LVRN: variants seen among roughly 807,000 people sequenced by gnomAD.
LVRN encodes laeverin, also known as aminopeptidase Q.
In LVRN, 99 loss-of-function variants were observed where a neutral mutation model predicts 111.4. That is an observed-to-expected ratio of 0.89 (90% CI 0.76 to 1.05). The LOEUF (loss-of-function observed/expected upper bound fraction) is 1.05. Among genes scored for constraint, LVRN ranks in the 50% least tolerant of loss-of-function variants. The probability of loss-of-function intolerance (pLI) is 0.00; values close to 1 mark genes in which losing one functional copy is unlikely to be tolerated. For missense variants in LVRN, 1,414 were observed against 1,206.8 expected (o/e 1.17, Z -2.54); for synonymous variants, 488 against 449.5 (o/e 1.09, Z -1.08).
intron 13 of LVRN, among the ~76,000 whole-genome samples, chr5:116,009,640 G>A (rs1748446110): frequency 6.6e-6 from 1 of 152,124 alleles, no homozygotes; most frequent in African/African-American, 2.4e-5. Flanking sequence ...GTGACTTTAA[G>A]GGGTTAAGAT....
At chr5:115,978,842 C>A (rs1186838567) in intron 1 of LVRN, among the ~76,000 whole-genome samples, 1 of 152,122 alleles carries the variant, frequency 6.6e-6, no homozygotes, top group Non-Finnish European at 1.5e-5. Context: ...AGAGGTGACA[C>A]ATAGGACTTC....
At chr5:116,024,624 G>A (rs1490893999) in intron 19 of LVRN, among the ~76,000 whole-genome samples, 1 of 152,122 alleles carries the variant, frequency 6.6e-6, no homozygotes, top group Non-Finnish European at 1.5e-5. Context: ...TCTAAAATTC[G>A]TTAGTTCAAT....
At chr5:116,002,724 G>T in intron 10 of LVRN, 111 bp from the exon 11 acceptor site, 1 of 755,754 alleles carries the variant, frequency 1.3e-6, no homozygotes, top group Non-Finnish European at 2.1e-6. Context: ...TAGAGAGAAT[G>T]ACCAAAGAAA....
intron 1 of LVRN, among the ~76,000 whole-genome samples, chr5:115,965,523 T>G (rs1437136539): frequency 6.6e-6 from 1 of 152,208 alleles, no homozygotes; most frequent in African/African-American, 2.4e-5. Flanking sequence ...GTTTAGAAAT[T>G]TATACGTTTT....
intron 6 of LVRN, chr5:115,995,603 C>T (rs369400562): frequency 8.5e-5 from 13 of 152,202 alleles, no homozygotes; most frequent in African/African-American, 2.9e-4. Flanking sequence ...TTATAACCAG[C>T]TGTCTGGGTC....
intron 18 of LVRN, 30 bp from the exon 19 acceptor site, chr5:116,022,361 A>T (rs1748747104): frequency 6.6e-7 from 1 of 1,516,284 alleles, no homozygotes; most frequent in African/African-American, 1.4e-5. Context: ...AATGCTTTCC[A>T]CCCTTGATTA....
intron 1 of LVRN, among the ~76,000 whole-genome samples, chr5:115,965,990 A>G (rs1297482447): frequency 6.6e-6 from 1 of 152,206 alleles, no homozygotes; most frequent in Non-Finnish European, 1.5e-5. Context: ...TTATAGATTC[A>G]CCAGAAGTTG....
chr5:115,968,738 G>A (rs1052926088), intron 1 of LVRN, among the ~76,000 whole-genome samples: 6 of 152,166 alleles, frequency 3.9e-5, no homozygotes, highest in African/African-American at 1.2e-4. Flanking sequence ...TCCTCCTTCT[G>A]ACGGTATAAC....
intron 3 of LVRN, among the ~76,000 whole-genome samples, chr5:115,985,577 A>T (rs565002572): frequency 6.6e-6 from 1 of 152,312 alleles, no homozygotes; most frequent in East Asian, 1.9e-4. Context: ...CTCAGACTCA[A>T]GGTTAGTCAG....
chr5:116,026,430 G>A lies in LVRN; in HGVS notation c.*312G>A, dbSNP rs1041217509. On this transcript the variant is annotated 3_prime_UTR_variant, in exon 20 of 20. Coordinates refer to ENST00000357872, the MANE Select transcript of LVRN (RefSeq NM_173800.5). ...AAGATAGTCTTGCTTATTTTGTTGCGAAGGCCAGTGGAATATAAAAATCAA... is the reference window on the plus strand; with the variant it reads ...AAGATAGTCTTGCTTATTTTGTTGCAAAGGCCAGTGGAATATAAAAATCAA... 10 of 357,986 alleles carry A rather than the reference G, an allele frequency of 2.8e-5. No individual in the cohort carries two copies. Among genetic ancestry groups the A allele is most frequent in the Non-Finnish European group, 5.2e-5 (10 of 191,118 alleles). The allele number at this position is 357,986 out of a possible 1,614,324, so 22.2% of individuals were successfully genotyped here.
chr5:115,963,144 T>G lies in LVRN; in HGVS notation c.527T>G (p.Val176Gly). ...AACGCCACAGTGGGCCGCGTGCCCG[T>G]GGACGACGTGTGGTTCGCGCTGGAC... ...TGNATVGRVP[V>G]DDVWFALDTE... The change falls in exon 1 of 20, where the codon GTG (valine) becomes GGG (glycine). Residue 176 changes from valine to glycine, a missense_variant. Physicochemically the swap from Val to Gly is moderately radical, Grantham distance 109. Coordinates refer to ENST00000357872, the MANE Select transcript of LVRN (RefSeq NM_173800.5). The G allele has an allele frequency of 6.2e-7, 1 of 1,613,302 alleles. No individual in the cohort carries two copies. Among genetic ancestry groups the G allele is most frequent in the Non-Finnish European group, 8.5e-7 (1 of 1,179,870 alleles).
chr5:116,013,681 A>T (rs1748537571), intron 15 of LVRN, among the ~76,000 whole-genome samples: 1 of 152,142 alleles, frequency 6.6e-6, no homozygotes, highest in Non-Finnish European at 1.5e-5. Context: ...TGGAGGACGG[A>T]GTAACAGAGA....
At chr5:115,964,567 A>G (rs6594914) in intron 1 of LVRN, among the ~76,000 whole-genome samples, 40,344 of 151,544 alleles carry the variant, frequency 0.27, 5,839 homozygotes, top group Non-Finnish European at 0.32. Context: ...ATTTCAGAGG[A>G]AAAAATAGAA....
chr5:116,008,664 A>G (rs1385850044), intron 13 of LVRN, among the ~76,000 whole-genome samples: 1 of 152,130 alleles, frequency 6.6e-6, no homozygotes, highest in Non-Finnish European at 1.5e-5. Context: ...ATTGATTAGG[A>G]TAAAAGATCA....
chr5:115,993,385 T>A (rs1259769834), intron 5 of LVRN, among the ~76,000 whole-genome samples: 1 of 152,150 alleles, frequency 6.6e-6, no homozygotes, highest in Non-Finnish European at 1.5e-5. Context: ...AATTAGTAGG[T>A]GGCAAGTCAG....
chr5:115,983,212 A>T, intron 1 of LVRN, 75 bp from the exon 2 acceptor site: 1 of 1,438,074 alleles, frequency 7.0e-7, no homozygotes, highest in Non-Finnish European at 9.2e-7. Context: ...CTTACAAGCC[A>T]TCATCTCTCA....
chr5:116,022,332 A>G lies in LVRN; in HGVS notation c.2757-59A>G, dbSNP rs540221146. Reference sequence around the variant, plus strand: ...ACTTGACCTTCATCTGCTATATAAAATATAGCTTTATTTTGCAAAATGCTT... The same window carrying G: ...ACTTGACCTTCATCTGCTATATAAAGTATAGCTTTATTTTGCAAAATGCTT... On this transcript the variant is annotated intron_variant, in intron 18 of 19. Coordinates refer to ENST00000357872, the MANE Select transcript of LVRN (RefSeq NM_173800.5). 3.4e-5 allele frequency: 41 copies of G among 1,211,814 alleles called. 1 individual carries two copies. The highest frequency in any genetic ancestry group is 1.6e-4 in the South Asian group (13 of 79,498). The allele number at this position is 1,211,814 out of a possible 1,614,324, so 75.1% of individuals were successfully genotyped here.
chr5:115,998,749 A>G lies in LVRN; in HGVS notation c.1375-1013A>G, dbSNP rs1748172900. On this transcript the variant is annotated intron_variant, in intron 6 of 19. Transcript: ENST00000357872. ...TCCAACCCAAACCAACTGAATCAGAACATGATTTTGACAAAATCCCCTGGT... is the reference window on the plus strand; with the variant it reads ...TCCAACCCAAACCAACTGAATCAGAGCATGATTTTGACAAAATCCCCTGGT... Among the ~76,000 whole-genome samples, 4 of 152,308 alleles carry G rather than the reference A, an allele frequency of 2.6e-5. 1 individual carries two copies. The Middle Eastern group carries it at 0.01, about 389-fold the overall frequency.
chr5:115,995,898 G>A (rs1748096673), intron 6 of LVRN, among the ~76,000 whole-genome samples: 2 of 152,138 alleles, frequency 1.3e-5, no homozygotes, highest in African/African-American at 4.8e-5. Context: ...TAACCACTGT[G>A]CTCTATAGCA....
Sources: gnomAD v4.1 joint callset for allele counts (sites outside exome capture counted in the v4.1 genomes callset) on GRCh38, gnomAD v4.1.1 for gene constraint, MANE v1.5 for transcripts, NCBI Gene and HGNC (gene_info 2026-07-23, HGNC 2026-07-21) for gene names.